TSPEAR: variants seen among roughly 807,000 people sequenced by gnomAD.
TSPEAR encodes the protein thrombospondin type laminin G domain and EAR repeats.
In TSPEAR, 69 loss-of-function variants were observed where a neutral mutation model predicts 71.6. The ratio of observed to expected loss-of-function variants is 0.96; its 90% confidence interval spans 0.79 to 1.18. The LOEUF (loss-of-function observed/expected upper bound fraction) is 1.18, where lower values mean the gene tolerates loss of function less well. TSPEAR is among the 50% of genes most tolerant of loss of function. The probability of loss-of-function intolerance (pLI) is 0.00; values close to 1 mark genes in which losing one functional copy is unlikely to be tolerated. For synonymous variants in TSPEAR, 402 were observed against 387.2 expected, an observed-to-expected ratio of 1.04 and a Z score of -0.45; for missense variants, 971 against 894.9, an observed-to-expected ratio of 1.09 and a Z score of -1.09.
intron 2 of TSPEAR, chr21:44,540,284 T>G: frequency 2.1e-6 from 3 of 1,431,396 alleles, no homozygotes; most frequent in Middle Eastern, 2.6e-4. Context: ...CCTTCTGGCC[T>G]TGTTGTTCCA....
rs558342987 is a variant in TSPEAR at position 44,694,276 on chromosome 21, T to C, written c.82+17157A>G. Among the ~76,000 whole-genome samples, 5 of 152,320 alleles carry C rather than the reference T, an allele frequency of 3.3e-5. No homozygotes were observed. In the South Asian group the frequency reaches 8.3e-4, roughly 25 times the overall value. On this transcript the variant is annotated intron_variant, in intron 1 of 11. Transcript: ENST00000323084. ...CACATATTGCAACACAGATAAACATTGGAAACATTGTGCCAAGTGAAATAA... is the reference window on the plus strand; with the variant it reads ...CACATATTGCAACACAGATAAACATCGGAAACATTGTGCCAAGTGAAATAA...
intron 2 of TSPEAR, among the ~76,000 whole-genome samples, chr21:44,542,535 C>T (rs909726039): frequency 6.6e-6 from 1 of 151,952 alleles, no homozygotes; most frequent in African/African-American, 2.4e-5. Context: ...ACTGCTTGAG[C>T]TTAGGAGTTG....
intron 1 of TSPEAR, chr21:44,686,361 A>G (rs4818958): frequency 0.65 from 98,279 of 152,160 alleles, 31,896 homozygotes; most frequent in South Asian, 0.72. Context: ...CCGAATGCCC[A>G]TGACCTGCCC....
rs1477404982 is a variant in TSPEAR, at chr21:44,710,451, C to T, written c.82+982G>A. ...CCCCCACCCCCCACGCGAGTCAGCACGTTCCATACTCGGGTGATCGTGCTC... is the reference window on the plus strand; with the variant it reads ...CCCCCACCCCCCACGCGAGTCAGCATGTTCCATACTCGGGTGATCGTGCTC... On this transcript the variant is annotated intron_variant, in intron 1 of 11. Transcript: ENST00000323084. This position sits in a 1 kb window ranked among gnomAD's most constrained non-coding sequence, Gnocchi z 4.6. Among the ~76,000 whole-genome samples the T allele has an allele frequency of 6.6e-6, 1 of 151,620 alleles. No individual in the cohort carries two copies. The highest frequency in any genetic ancestry group is 1.5e-5 in the Non-Finnish European group (1 of 67,866).
chr21:44,570,519 G>C (rs190391836), intron 1 of TSPEAR, among the ~76,000 whole-genome samples: 177 of 152,320 alleles, frequency 1.2e-3, no homozygotes, highest in Admixed American at 2.2e-3. Context: ...AGGGGCTGCA[G>C]AGATAAGCTC....
At chr21:44,523,347 C>T (rs963136827) in intron 8 of TSPEAR, among the ~76,000 whole-genome samples, 27 of 151,502 alleles carry the variant, frequency 1.8e-4, no homozygotes, top group African/African-American at 5.8e-4. Context: ...GTGAAGTGGT[C>T]GGTCAGTTGT....
chr21:44,602,211 C>A (rs1288634628), intron 1 of TSPEAR: 5 of 191,212 alleles, frequency 2.6e-5, no homozygotes, highest in African/African-American at 1.2e-4. Context: ...CAACCAAAGA[C>A]CCCTGCCTGA....
intron 1 of TSPEAR, among the ~76,000 whole-genome samples, chr21:44,650,947 G>C (rs1555941303): frequency 6.6e-6 from 1 of 152,218 alleles, no homozygotes; most frequent in African/African-American, 2.4e-5. Context: ...GATGCTCTGG[G>C]GGAGGACAGG....
intron 1 of TSPEAR, among the ~76,000 whole-genome samples, chr21:44,708,619 T>G (rs1385637832): frequency 1.3e-5 from 2 of 152,190 alleles, no homozygotes; most frequent in Non-Finnish European, 2.9e-5. Context: ...GCTCCTGGGA[T>G]GCACACTGCC....
Position 44,592,439 on chromosome 21 carries a change from C to T in TSPEAR, c.83-24434G>A, listed in dbSNP as rs76150656. On this transcript the variant is annotated intron_variant, in intron 1 of 11. Coordinates refer to ENST00000323084, the MANE Select transcript of TSPEAR (RefSeq NM_144991.3). ...GAACCAGGAAGGCAGACGCGGCTGCCGTAGCTCAGGTCGCTGGAGCAGACG... is the reference window on the plus strand; with the variant it reads ...GAACCAGGAAGGCAGACGCGGCTGCTGTAGCTCAGGTCGCTGGAGCAGACG... 3.2e-3 allele frequency: 5,200 copies of T among 1,604,392 alleles called. 46 individuals are homozygous for T. The African/African-American group carries it at 0.038, about 12-fold the overall frequency.
chr21:44,600,655 G>T (rs372616312), intron 1 of TSPEAR: 2 of 1,613,736 alleles, frequency 1.2e-6, no homozygotes, highest in South Asian at 1.1e-5. Context: ...CTGCTCCAGC[G>T]ACCTGAGCTA....
intron 10 of TSPEAR, chr21:44,508,591 C>T (rs2052263789): frequency 2.5e-6 from 3 of 1,177,384 alleles, no homozygotes; most frequent in Non-Finnish European, 3.2e-6. Context: ...TGTGGATTCT[C>T]AGTGCCCACT....
rs1287114558 is a variant in TSPEAR at position 44,677,583 on chromosome 21, G to A, written c.82+33850C>T. 6 of 1,008,754 alleles carry A rather than the reference G, an allele frequency of 5.9e-6. 1 individual carries two copies. The highest frequency in any genetic ancestry group is 9.3e-6 in the Non-Finnish European group (6 of 644,622). The allele number at this position is 1,008,754 out of a possible 1,614,324, so 62.5% of individuals were successfully genotyped here. On this transcript the variant is annotated intron_variant, in intron 1 of 11. Transcript: ENST00000323084. ...TGCTTCTTCTGAAAGTGCAGGTGTGGGTTTTCCTTCATCAATTGCAGGGTG... is the reference window on the plus strand; with the variant it reads ...TGCTTCTTCTGAAAGTGCAGGTGTGAGTTTTCCTTCATCAATTGCAGGGTG...
rs1321237492 is a variant in TSPEAR at position 44,710,153 on chromosome 21, G to A, written c.82+1280C>T. On this transcript the variant is annotated intron_variant, in intron 1 of 11. Coordinates refer to ENST00000323084, the MANE Select transcript of TSPEAR (RefSeq NM_144991.3). This position sits in a 1 kb window ranked among gnomAD's most constrained non-coding sequence, Gnocchi z 4.6. Reference sequence around the variant, plus strand: ...CTCGAGCAGGGGAGGGAGAAAGGCTGGCGCTGCGCCCTCCATCGCGTGAAG... The same window carrying A: ...CTCGAGCAGGGGAGGGAGAAAGGCTAGCGCTGCGCCCTCCATCGCGTGAAG... 3.3e-5 allele frequency among the ~76,000 whole-genome samples: 5 copies of A among 152,122 alleles called. No individual in the cohort carries two copies. Among genetic ancestry groups the A allele is most frequent in the Admixed American group, 3.3e-4 (5 of 15,284 alleles).
chr21:44,615,690 A>G (rs1413157288), intron 1 of TSPEAR, among the ~76,000 whole-genome samples: 1 of 151,992 alleles, frequency 6.6e-6, no homozygotes, highest in East Asian at 1.9e-4. Flanking sequence ...GCCCACAGCG[A>G]GTGCAGCTGA....
intron 8 of TSPEAR, among the ~76,000 whole-genome samples, chr21:44,523,726 A>C (rs943335318): frequency 1.3e-5 from 2 of 151,830 alleles, no homozygotes; most frequent in African/African-American, 4.8e-5. Flanking sequence ...TCAGTCAGTC[A>C]GGTAGTCAGC....
chr21:44,525,948 A>C, intron 7 of TSPEAR, 109 bp from the exon 8 acceptor site: 1 of 1,151,736 alleles, frequency 8.7e-7, no homozygotes, highest in Non-Finnish European at 1.3e-6. Flanking sequence ...CACGGCTGCT[A>C]CGTGGTGCAG....
chr21:44,616,717 C>T (rs868983125), intron 1 of TSPEAR, among the ~76,000 whole-genome samples: 2 of 152,266 alleles, frequency 1.3e-5, no homozygotes, highest in African/African-American at 4.8e-5. Context: ...GACAATGCGG[C>T]TGCGCACCGG....
intron 2 of TSPEAR, among the ~76,000 whole-genome samples, chr21:44,560,588 A>G (rs1448091517): frequency 2.0e-5 from 3 of 152,190 alleles, no homozygotes; most frequent in African/African-American, 7.2e-5. Flanking sequence ...TTGAAAGTAA[A>G]ACACTCCTCA....
Sources: gnomAD v4.1 joint callset for allele counts (sites outside exome capture counted in the v4.1 genomes callset) on GRCh38, gnomAD v4.1.1 for gene constraint, Gnocchi (gnomAD v3.1) non-coding constraint, MANE v1.5 for transcripts, NCBI Gene and HGNC (gene_info 2026-07-23, HGNC 2026-07-21) for gene names.